The following PID1 variants were observed in gnomAD, a reference collection of about 807,000 sequenced individuals.
PID1 encodes the protein phosphotyrosine interaction domain containing 1.
In PID1, 10 loss-of-function variants were observed where a neutral mutation model predicts 19.1. The observed-to-expected ratio is 0.52, with a 90% CI of 0.32 to 0.89. The LOEUF (loss-of-function observed/expected upper bound fraction) is 0.89. Among genes scored for constraint, PID1 ranks in the 40% least tolerant of loss-of-function variants. The probability of loss-of-function intolerance (pLI) is 0.03; values close to 1 mark genes in which losing one functional copy is unlikely to be tolerated. For missense variants in PID1, 248 were observed against 285.3 expected, an observed-to-expected ratio of 0.87 and a Z score of 0.94; for synonymous variants, 130 against 116.0, an observed-to-expected ratio of 1.12 and a Z score of -0.78.
At chr2:229,045,273 TGG>T (rs1383822896) in intron 2 of PID1, among the ~76,000 whole-genome samples, 25 of 152,336 alleles carry the variant, frequency 1.6e-4, no homozygotes, top group African/African-American at 6.0e-4. Context: ...TAGTTTTATG[TGG>T]AGAGTTTATT....
At chr2:229,148,206 G>A (rs1025631226) in intron 2 of PID1, among the ~76,000 whole-genome samples, 16 of 152,218 alleles carry the variant, frequency 1.1e-4, no homozygotes, top group Non-Finnish European at 2.2e-4. Flanking sequence ...AAGCCACCAC[G>A]GCTGTTGGTG....
chr2:229,114,464 C>T (rs998623198), intron 2 of PID1, among the ~76,000 whole-genome samples: 1 of 152,072 alleles, frequency 6.6e-6, no homozygotes, highest in Non-Finnish European at 1.5e-5. Context: ...ACAAGAAGTA[C>T]CTGTCAATCA....
intron 1 of PID1, among the ~76,000 whole-genome samples, chr2:229,212,412 T>C (rs1185883088): frequency 6.6e-6 from 1 of 152,152 alleles, no homozygotes; most frequent in Non-Finnish European, 1.5e-5. Flanking sequence ...ACAACCCAGG[T>C]TCCCATACAG....
chr2:229,219,547 C>T (rs1691920281), intron 1 of PID1, among the ~76,000 whole-genome samples: 1 of 152,106 alleles, frequency 6.6e-6, no homozygotes, highest in African/African-American at 2.4e-5. Context: ...GGGGACACAG[C>T]CAAACCATAT....
intron 1 of PID1, among the ~76,000 whole-genome samples, chr2:229,208,289 G>C (rs1286408864): frequency 6.6e-6 from 1 of 152,184 alleles, no homozygotes; most frequent in African/African-American, 2.4e-5. Flanking sequence ...ACTATGAACA[G>C]CCTTCTCAAT....
chr2:229,146,931 G>A (rs758249688), intron 2 of PID1, among the ~76,000 whole-genome samples: 35 of 152,124 alleles, frequency 2.3e-4, no homozygotes, highest in Non-Finnish European at 2.8e-4. Flanking sequence ...GAGCCTCCGG[G>A]AGCATGACCC....
chr2:229,256,158 A>G (rs1203039882), intron 1 of PID1, among the ~76,000 whole-genome samples: 1 of 152,180 alleles, frequency 6.6e-6, no homozygotes, highest in East Asian at 1.9e-4. Flanking sequence ...TGGGTGACTC[A>G]GTGAGATGCA....
At position 229,139,046 on chromosome 2, in the gene PID1, A is replaced by C. The variant is rs200251261; in HGVS notation, c.177+16772T>G. Among the ~76,000 whole-genome samples the C allele has an allele frequency of 1.0e-3, 86 of 83,762 alleles. 6 individuals are homozygous for C. Among genetic ancestry groups the C allele is most frequent in the Non-Finnish European group, 1.7e-3 (67 of 38,562 alleles). 55.0% of individuals were successfully genotyped at this position (83,762 alleles called of 152,430 possible). A position where few individuals can be genotyped will look rare whatever the true frequency, so the allele number is the denominator to read the frequency against. On this transcript the variant is annotated intron_variant, in intron 2 of 2. Transcript: ENST00000392055. ...AAGAAAGAAAGAAAGAAAGAGAAAG[A>C]AAGAAAGAAAGAGAAAGAAAGAAAG...
rs73998550 is a variant in PID1 at position 229,107,033 on chromosome 2, A to G, written c.177+48785T>C. On this transcript the variant is annotated intron_variant, in intron 2 of 2. Transcript: ENST00000392055. ...TTTCCTTATAAGAGACAGGAGAGAG[A>G]GATTTGAGACACACAAACACATGGA... 3.1e-3 allele frequency among the ~76,000 whole-genome samples: 467 copies of G among 152,248 alleles called. 5 individuals carry two copies. Among genetic ancestry groups the G allele is most frequent in the African/African-American group, 0.011 (445 of 41,546 alleles).
At position 229,131,549 on chromosome 2, in the gene PID1, A is replaced by G. The variant is rs1346533034; in HGVS notation, c.177+24269T>C. 3.9e-5 allele frequency among the ~76,000 whole-genome samples: 6 copies of G among 152,310 alleles called. No homozygotes were observed. The East Asian group carries it at 1.2e-3, about 29-fold the overall frequency. ...GCCAGCCACATTTTTCTATGAGAAC[A>G]AAGTCATGTGAAAAGAGTAAAGAAT... On this transcript the variant is annotated intron_variant, in intron 2 of 2. Transcript: ENST00000392055.
At chr2:229,063,136 C>A (rs1435061291) in intron 2 of PID1, among the ~76,000 whole-genome samples, 6 of 151,808 alleles carry the variant, frequency 4.0e-5, no homozygotes, top group Admixed American at 3.9e-4. Flanking sequence ...CTGCTCTTAT[C>A]TTCATTATTT....
intron 1 of PID1, among the ~76,000 whole-genome samples, chr2:229,193,169 C>T (rs936010862): frequency 5.3e-5 from 8 of 152,164 alleles, no homozygotes; most frequent in African/African-American, 9.7e-5. Context: ...CAGGATCAAC[C>T]GGTGATATTC....
At chr2:229,211,229 T>C (rs1465856203) in intron 1 of PID1, among the ~76,000 whole-genome samples, 1 of 152,076 alleles carries the variant, frequency 6.6e-6, no homozygotes, top group Admixed American at 6.6e-5. Flanking sequence ...AGCATTTACT[T>C]GATTCAAAAT....
chr2:229,237,722 A>G (rs1689751546), intron 1 of PID1, among the ~76,000 whole-genome samples: 1 of 152,040 alleles, frequency 6.6e-6, no homozygotes, highest in South Asian at 2.1e-4. Flanking sequence ...ATATCTATAC[A>G]TTTTCATGTC....
In PID1 at chr2:229,234,227, G is replaced by T. The variant is rs760377028; in HGVS notation, c.30+36787C>A. Among the ~76,000 whole-genome samples, 105 of 152,276 alleles carry T rather than the reference G, an allele frequency of 6.9e-4. 1 individual carries two copies. Among genetic ancestry groups the T allele is most frequent in the Admixed American group, 1.5e-3 (23 of 15,298 alleles). ...GGCCCTGAAAGAAATACAAAAAGAA[G>T]ATCAGCTAGACTTCAGGTATAGGAT... On this transcript the variant is annotated intron_variant, in intron 1 of 2. Transcript: ENST00000392055.
At chr2:229,228,092 T>G (rs1482298002) in intron 1 of PID1, 8 of 455,674 alleles carry the variant, frequency 1.8e-5, no homozygotes, top group South Asian at 1.2e-4. Context: ...TGCGTGAGAA[T>G]AAAGGTCAAC....
intron 1 of PID1, among the ~76,000 whole-genome samples, chr2:229,235,334 G>A (rs1422033044): frequency 6.6e-6 from 1 of 152,140 alleles, no homozygotes; most frequent in Non-Finnish European, 1.5e-5. Context: ...CACAGGCTGT[G>A]GTCCTGAAAG....
intron 2 of PID1, among the ~76,000 whole-genome samples, chr2:229,147,025 T>C (rs943327605): frequency 6.6e-6 from 1 of 152,180 alleles, no homozygotes; most frequent in Non-Finnish European, 1.5e-5. Flanking sequence ...TCTGTTGTTT[T>C]AAGCCACTAA....
intron 1 of PID1, among the ~76,000 whole-genome samples, chr2:229,233,155 A>G (rs1692251215): frequency 6.6e-6 from 1 of 152,168 alleles, no homozygotes; most frequent in Non-Finnish European, 1.5e-5. Flanking sequence ...TTTAAATAAG[A>G]TCTTTGTTAG....
Sources: gnomAD v4.1 joint callset for allele counts (sites outside exome capture counted in the v4.1 genomes callset) on GRCh38, gnomAD v4.1.1 for gene constraint, MANE v1.5 for transcripts, NCBI Gene and HGNC (gene_info 2026-07-23, HGNC 2026-07-21) for gene names.